The following GPC5 variants were observed in gnomAD, a reference collection of about 807,000 sequenced individuals.
GPC5 encodes glypican 5.
Under a neutral mutation model 53.9 loss-of-function variants are expected in GPC5, and 47 were observed. The observed-to-expected ratio is 0.87, with a 90% CI of 0.69 to 1.11. GPC5 has a LOEUF of 1.11. GPC5 is among the 50% of genes most tolerant of loss of function. The pLI is 0.00. For missense variants in GPC5, 748 were observed against 713.1 expected (o/e 1.05, Z -0.56); for synonymous variants, 286 against 263.3 (o/e 1.09, Z -0.84).
At chr13:92,602,896 G>T (rs1594338648) in intron 7 of GPC5, among the ~76,000 whole-genome samples, 1 of 152,066 alleles carries the variant, frequency 6.6e-6, no homozygotes, top group East Asian at 1.9e-4. Flanking sequence ...AAAGGGGAAA[G>T]CCACATGAGG....
chr13:91,662,022 C>T (rs1194888850), intron 2 of GPC5, among the ~76,000 whole-genome samples: 2 of 152,076 alleles, frequency 1.3e-5, no homozygotes, highest in African/African-American at 4.8e-5. Context: ...GAGATCTAGG[C>T]TGGAGATACA....
At chr13:91,689,099 GT>G (rs962570445) in intron 2 of GPC5, among the ~76,000 whole-genome samples, 1 of 148,606 alleles carries the variant, frequency 6.7e-6, no homozygotes, top group Non-Finnish European at 1.5e-5. Context: ...AGCACAGAAG[GT>G]TTAGGCTACA....
At chr13:92,266,336 A>G (rs368142801) in intron 7 of GPC5, among the ~76,000 whole-genome samples, 5 of 152,068 alleles carry the variant, frequency 3.3e-5, no homozygotes, top group African/African-American at 1.2e-4. Flanking sequence ...TTTACTCTGA[A>G]TGGGAAGATT....
intron 7 of GPC5, among the ~76,000 whole-genome samples, chr13:92,442,581 T>C (rs899173437): frequency 1.3e-5 from 2 of 152,194 alleles, no homozygotes; most frequent in Non-Finnish European, 2.9e-5. Context: ...GATATAGGAT[T>C]CTTCAAAAAT....
chr13:91,985,816 C>G (rs531629480), intron 6 of GPC5, among the ~76,000 whole-genome samples: 3 of 152,166 alleles, frequency 2.0e-5, no homozygotes, highest in South Asian at 2.1e-4. Flanking sequence ...CTTGCAATGA[C>G]TAAAACAACA....
intron 7 of GPC5, among the ~76,000 whole-genome samples, chr13:92,580,440 T>C (rs1478555920): frequency 2.0e-5 from 3 of 152,258 alleles, no homozygotes; most frequent in African/African-American, 4.8e-5. Context: ...ATAAACACAA[T>C]TGAACATGAA....
chr13:92,728,749 T>G (rs1372225303), intron 7 of GPC5, among the ~76,000 whole-genome samples: 1 of 151,446 alleles, frequency 6.6e-6, no homozygotes, highest in Non-Finnish European at 1.5e-5. Flanking sequence ...TCTGTATGAA[T>G]CTAAATTTCG....
intron 7 of GPC5, among the ~76,000 whole-genome samples, chr13:92,400,933 TG>T (rs1272590044): frequency 1.9e-4 from 29 of 149,354 alleles, no homozygotes; most frequent in African/African-American, 6.9e-4. Context: ...CTTTTTTTTT[TG>T]CCCCCTTGGG....
intron 5 of GPC5, among the ~76,000 whole-genome samples, chr13:91,875,413 T>G (rs2039191385): frequency 6.6e-6 from 1 of 152,186 alleles, no homozygotes. Context: ...ATTTTTGTTT[T>G]AATCAAGAGA....
intron 7 of GPC5, among the ~76,000 whole-genome samples, chr13:92,827,575 C>T (rs1877896095): frequency 6.6e-6 from 1 of 152,130 alleles, no homozygotes; most frequent in Admixed American, 6.6e-5. Context: ...TTCTCTGGCT[C>T]CATTTGCAAT....
At chr13:91,942,086 C>A (rs781190780) in intron 6 of GPC5, among the ~76,000 whole-genome samples, 59 of 152,046 alleles carry the variant, frequency 3.9e-4, no homozygotes, top group Non-Finnish European at 7.9e-4. Context: ...AACTTCCTAG[C>A]AAATTTCAAG....
intron 7 of GPC5, among the ~76,000 whole-genome samples, chr13:92,674,874 C>CCAAT (rs145313466): frequency 0.062 from 9,373 of 151,944 alleles, 367 homozygotes; most frequent in African/African-American, 0.11. Flanking sequence ...ACTTCACTAA[C>CCAAT]CAATCAAAAT....
chr13:92,473,028 TAAA>T (rs1007087288), intron 7 of GPC5, among the ~76,000 whole-genome samples: 7 of 152,166 alleles, frequency 4.6e-5, no homozygotes, highest in African/African-American at 1.7e-4. Flanking sequence ...GCCCATTTAA[TAAA>T]AATTGTCAAA....
chr13:92,512,152 A>G (rs1305327466), intron 7 of GPC5, among the ~76,000 whole-genome samples: 1 of 152,142 alleles, frequency 6.6e-6, no homozygotes, highest in Non-Finnish European at 1.5e-5. Flanking sequence ...TTTATCTTAT[A>G]TTAACTAAAT....
chr13:92,771,781 C>T (rs377660219), intron 7 of GPC5, among the ~76,000 whole-genome samples: 34 of 152,226 alleles, frequency 2.2e-4, no homozygotes, highest in Non-Finnish European at 4.3e-4. Flanking sequence ...CCTACAAACA[C>T]CATCTGTATT....
At chr13:92,041,816 A>G (rs7331302) in intron 6 of GPC5, among the ~76,000 whole-genome samples, 65,934 of 152,058 alleles carry the variant, frequency 0.43, 14,694 homozygotes, top group Admixed American at 0.51. Flanking sequence ...TATGGCTGGA[A>G]TGGTGTCACT....
chr13:91,688,123 A>G (rs888459813), intron 2 of GPC5, among the ~76,000 whole-genome samples: 2 of 152,126 alleles, frequency 1.3e-5, no homozygotes, highest in African/African-American at 4.8e-5. Flanking sequence ...ATGGTATAAG[A>G]ACAAAGTGAT....
chr13:92,602,721 T>C (rs1199202882), intron 7 of GPC5, among the ~76,000 whole-genome samples: 2 of 152,128 alleles, frequency 1.3e-5, no homozygotes, highest in Admixed American at 6.5e-5. Flanking sequence ...AGAGGGAAAT[T>C]AGGTCAGTAA....
chr13:91,986,906 G>T (rs2040413134), intron 6 of GPC5, among the ~76,000 whole-genome samples: 1 of 152,120 alleles, frequency 6.6e-6, no homozygotes, highest in Non-Finnish European at 1.5e-5. Flanking sequence ...ATGGATTCTT[G>T]TGTAGATAGT....
Sources: allele counts gnomAD v4.1 joint callset (sites outside exome capture counted in the v4.1 genomes callset), GRCh38; gene constraint gnomAD v4.1.1; transcripts MANE v1.5; gene names NCBI Gene and HGNC (gene_info 2026-07-23, HGNC 2026-07-21).